The following ABLIM3 variants were observed in gnomAD, a reference collection of about 807,000 sequenced individuals.
ABLIM3 encodes actin-binding LIM protein 3.
Under a neutral mutation model 109.5 loss-of-function variants are expected in ABLIM3, and 61 were observed. The ratio of observed to expected loss-of-function variants is 0.56; its 90% CI spans 0.45 to 0.69. ABLIM3 has a LOEUF of 0.69. ABLIM3 is among the 30% of genes least tolerant of loss of function. The probability of loss-of-function intolerance (pLI) is 0.00; values close to 1 mark genes in which losing one functional copy is unlikely to be tolerated. For synonymous variants in ABLIM3, 300 were observed against 324.8 expected (o/e 0.92, Z 0.82); for missense variants, 796 against 889.5 (o/e 0.89, Z 1.34).
chr5:149,176,648 CAT>C (rs1294177882), intron 2 of ABLIM3, among the ~76,000 whole-genome samples: 1 of 152,128 alleles, frequency 6.6e-6, no homozygotes, highest in Non-Finnish European at 1.5e-5. Context: ...AATGAGATGA[CAT>C]ATATAAGTGG....
At chr5:149,250,164 G>A (rs1753783255) in intron 19 of ABLIM3, among the ~76,000 whole-genome samples, 1 of 152,192 alleles carries the variant, frequency 6.6e-6, no homozygotes, top group South Asian at 2.1e-4. Flanking sequence ...CTGTGGCCAG[G>A]ACACAGGGGT....
At position 149,198,218 on chromosome 5, in the gene ABLIM3, GTAT is replaced by G; in HGVS notation, c.152_154del (p.Val51_Cys52delinsGly). The G allele has an allele frequency of 6.2e-7, 1 of 1,610,584 alleles. No homozygotes were observed. The highest frequency in any genetic ancestry group is 8.5e-7 in the Non-Finnish European group (1 of 1,178,334). On this transcript the variant is annotated inframe_deletion and splice_region_variant, in exon 4 of 24. Transcript: ENST00000309868. The surrounding 1 kb of genome is among the most constrained non-coding windows in gnomAD (Gnocchi z 4.2). ...CCTTGTTTTCCTCCTTGTTCCCCAAGTATGTGGCTGTGGCCTGGCCCAGTCAGG... is the reference window on the plus strand; with the variant it reads ...CCTTGTTTTCCTCCTTGTTCCCCAAGGTGGCTGTGGCCTGGCCCAGTCAGG...
chr5:149,225,578 C>T (rs1418195489), intron 8 of ABLIM3, among the ~76,000 whole-genome samples: 1 of 151,974 alleles, frequency 6.6e-6, no homozygotes, highest in East Asian at 1.9e-4. Context: ...ATTTTTATTT[C>T]CATAGGTAAT....
At chr5:149,209,640 C>A (rs1759346751) in intron 6 of ABLIM3, among the ~76,000 whole-genome samples, 1 of 152,246 alleles carries the variant, frequency 6.6e-6, no homozygotes, top group Non-Finnish European at 1.5e-5. Context: ...CATCCACCTT[C>A]TGACAAATGA....
chr5:149,244,774 G>A (rs546928434), intron 15 of ABLIM3, 107 bp from the exon 16 acceptor site: 770 of 1,416,342 alleles, frequency 5.4e-4, no homozygotes, highest in South Asian at 1.1e-3. Context: ...TGATCTTGAA[G>A]TGGACTCACT....
intron 2 of ABLIM3, among the ~76,000 whole-genome samples, chr5:149,142,640 G>C (rs573420367): frequency 6.6e-6 from 1 of 152,282 alleles, no homozygotes; most frequent in African/African-American, 2.4e-5. Context: ...CCTGCAGCCC[G>C]GTGGGCCCAG....
chr5:149,210,625 T>C, intron 6 of ABLIM3, 101 bp from the exon 7 acceptor site: 2 of 927,404 alleles, frequency 2.2e-6, no homozygotes, highest in African/African-American at 1.6e-5. Context: ...TATCGAACTT[T>C]GGCTCAGTCA....
chr5:149,141,842 C>A, intron 1 of ABLIM3, 167 bp from the exon 2 acceptor site: 1 of 561,766 alleles, frequency 1.8e-6, no homozygotes, highest in Admixed American at 3.2e-5. Flanking sequence ...GCAGGAGGAC[C>A]GGGGCGCCGG....
chr5:149,183,687 T>C, intron 3 of ABLIM3, 98 bp downstream of exon 3: 2 of 1,337,430 alleles, frequency 1.5e-6, no homozygotes, highest in African/African-American at 3.0e-5. Flanking sequence ...CACAGGTGGC[T>C]GGAATATCTA....
intron 3 of ABLIM3, among the ~76,000 whole-genome samples, chr5:149,195,145 G>A (rs758983060): frequency 6.6e-6 from 1 of 152,096 alleles, no homozygotes; most frequent in African/African-American, 2.4e-5. Context: ...TAACCACCCA[G>A]CCCCTTCATC....
intron 5 of ABLIM3, among the ~76,000 whole-genome samples, chr5:149,203,043 CCAT>C (rs1401004904): frequency 1.3e-5 from 2 of 151,718 alleles, no homozygotes; most frequent in African/African-American, 4.8e-5. Flanking sequence ...CACACCACCA[CCAT>C]AACCATCATC....
chr5:149,183,410 A>T, intron 2 of ABLIM3, 42 bp from the exon 3 acceptor site: 1 of 1,475,192 alleles, frequency 6.8e-7, no homozygotes, highest in South Asian at 1.4e-5. Context: ...CTTTGTAAAG[A>T]ATCAGGGCCT....
chr5:149,145,391 G>A (rs1254975736), intron 2 of ABLIM3, among the ~76,000 whole-genome samples: 2 of 152,104 alleles, frequency 1.3e-5, no homozygotes, highest in Non-Finnish European at 2.9e-5. Context: ...CCAGTACACT[G>A]TTGATAAACA....
intron 7 of ABLIM3, among the ~76,000 whole-genome samples, chr5:149,211,741 G>A (rs1759578585): frequency 6.6e-6 from 1 of 152,060 alleles, no homozygotes; most frequent in Non-Finnish European, 1.5e-5. Context: ...AGGGGATGTA[G>A]CAACCAGGAA....
chr5:149,189,553 A>G (rs1312182958), intron 3 of ABLIM3, among the ~76,000 whole-genome samples: 2 of 152,226 alleles, frequency 1.3e-5, no homozygotes, highest in African/African-American at 4.8e-5. Context: ...AAGGATATGA[A>G]TAGACATTTA....
At chr5:149,242,629 C>A in intron 15 of ABLIM3, 91 bp downstream of exon 15, 1 of 1,345,042 alleles carries the variant, frequency 7.4e-7, no homozygotes, top group Non-Finnish European at 1.1e-6. Flanking sequence ...CCACCAGGAG[C>A]CACAAAACAC....
chr5:149,155,380 A>C (rs932594210), intron 2 of ABLIM3, among the ~76,000 whole-genome samples: 1 of 152,208 alleles, frequency 6.6e-6, no homozygotes, highest in Non-Finnish European at 1.5e-5. Flanking sequence ...TGCACAGGAC[A>C]GAGAACTGGA....
intron 2 of ABLIM3, among the ~76,000 whole-genome samples, chr5:149,154,272 A>G (rs541577736): frequency 6.6e-6 from 1 of 152,256 alleles, no homozygotes; most frequent in South Asian, 2.1e-4. Context: ...TAAAGCAACC[A>G]TAAAATTAGA....
chr5:149,251,540 A>T (rs1462011269), intron 21 of ABLIM3, 121 bp downstream of exon 21: 1 of 1,136,964 alleles, frequency 8.8e-7, no homozygotes, highest in Non-Finnish European at 1.3e-6. Flanking sequence ...GGCTGTGTCC[A>T]ACCCTGAGTT....
Sources: allele counts gnomAD v4.1 joint callset (sites outside exome capture counted in the v4.1 genomes callset), GRCh38; gene constraint gnomAD v4.1.1; non-coding constraint Gnocchi (gnomAD v3.1); transcripts MANE v1.5; gene names NCBI Gene and HGNC (gene_info 2026-07-23, HGNC 2026-07-21).